The following ECHDC3 variants were observed in gnomAD, a reference collection of about 807,000 sequenced individuals.
The protein encoded by ECHDC3 is enoyl-CoA hydratase domain containing 3, also known as enoyl-CoA hydratase domain-containing protein 3, mitochondrial.
In ECHDC3, 20 loss-of-function variants were observed where a neutral mutation model predicts 17.9. The ratio of observed to expected loss-of-function variants is 1.12; its 90% confidence interval spans 0.79 to 1.63. The LOEUF is 1.63. Among genes scored for constraint, ECHDC3 ranks in the 40% most tolerant of loss-of-function variants. The pLI, the probability that ECHDC3 is intolerant of heterozygous loss-of-function variation, is 0.00. For missense variants in ECHDC3, 407 were observed against 357.7 expected (o/e 1.14, Z -1.11); for synonymous variants, 177 against 149.7 (o/e 1.18, Z -1.33).
In ECHDC3 at chr10:11,755,595, C is replaced by G; in HGVS notation, c.578C>G (p.Ala193Gly). The change falls in exon 4 of 5, where the codon GCA becomes GGA. Residue 193 changes from alanine (A) to glycine (G), a missense_variant. Coordinates refer to ENST00000379215, the MANE Select transcript of ECHDC3 (RefSeq NM_024693.5). ...CSTPGVALAR[A>G]VPRKVALEML... ...ACCCCTGGGGTTGCCTTGGCAAGAG[C>G]AGTGCCTAGAAAGGTAATTTAACTC... is the stretch of plus-strand genomic sequence containing the variant. The G allele has an allele frequency of 6.2e-7, 1 of 1,612,706 alleles. No homozygotes were observed. The highest frequency in any genetic ancestry group is 8.5e-7 in the Non-Finnish European group (1 of 1,179,508).
rs1832775395 is a variant in ECHDC3 at position 11,747,482 on chromosome 10, A to AT, written c.292+13dup. 2.5e-6 allele frequency: 4 copies of AT among 1,612,976 alleles called. No homozygotes were observed. Among genetic ancestry groups the AT allele is most frequent in the Non-Finnish European group, 3.4e-6 (4 of 1,179,800 alleles). ...CATTATCATCTCGGGTATGTATCTGATATCTGTCCTTAGTATTCTGCAGTG... is the reference window on the plus strand; with the variant it reads ...CATTATCATCTCGGGTATGTATCTGATTATCTGTCCTTAGTATTCTGCAGTG... On this transcript the variant is annotated intron_variant, in intron 2 of 4. Transcript: ENST00000379215.
At position 11,742,545 on chromosome 10, in the gene ECHDC3, C is replaced by G; in HGVS notation, c.-32C>G. ...AGCACCTGCGGCCGGCCAGGCAGCGCGATCCTGCGGCGTCTGGCCATCCCG... is the reference window on the plus strand; with the variant it reads ...AGCACCTGCGGCCGGCCAGGCAGCGGGATCCTGCGGCGTCTGGCCATCCCG... On this transcript the variant is annotated 5_prime_UTR_variant, in exon 1 of 5. Coordinates refer to ENST00000379215, the MANE Select transcript of ECHDC3 (RefSeq NM_024693.5). The G allele has an allele frequency of 3.2e-6, 4 of 1,256,520 alleles. No homozygotes were observed. Among genetic ancestry groups the G allele is most frequent in the Non-Finnish European group, 4.0e-6 (4 of 1,001,838 alleles). The allele number at this position is 1,256,520 out of a possible 1,614,324, so 77.8% of individuals were successfully genotyped here.
At chr10:11,760,855 T>C (rs904055720) in intron 4 of ECHDC3, among the ~76,000 whole-genome samples, 8 of 152,238 alleles carry the variant, frequency 5.3e-5, no homozygotes, top group Non-Finnish European at 8.8e-5. Context: ...GATCCGCTTT[T>C]TAGCTCCTGG....
intron 2 of ECHDC3, 136 bp from the exon 3 acceptor site, chr10:11,749,359 T>C: frequency 1.4e-6 from 1 of 738,692 alleles, no homozygotes; most frequent in South Asian, 2.0e-5. Flanking sequence ...GAATTATTCT[T>C]CTCAAAATTA....
intron 3 of ECHDC3, among the ~76,000 whole-genome samples, chr10:11,750,827 AT>A (rs1832814898): frequency 6.6e-6 from 1 of 152,248 alleles, no homozygotes; most frequent in African/African-American, 2.4e-5. Context: ...GATTTCACAG[AT>A]GTTTAATGAT....
chr10:11,754,252 T>C (rs1832860845), intron 3 of ECHDC3, among the ~76,000 whole-genome samples: 1 of 152,096 alleles, frequency 6.6e-6, no homozygotes, highest in Admixed American at 6.5e-5. Flanking sequence ...TTAGACAAAA[T>C]CTTCAAATCA....
At chr10:11,755,801 G>T (rs757100271) in intron 4 of ECHDC3, 193 bp downstream of exon 4, 7 of 547,020 alleles carry the variant, frequency 1.3e-5, no homozygotes, top group Non-Finnish European at 2.2e-5. Context: ...CCGCCTGCCT[G>T]TTCCTCTGTA....
At chr10:11,742,904 A>T (rs144245373) in intron 1 of ECHDC3, 158 bp downstream of exon 1, 3 of 876,170 alleles carry the variant, frequency 3.4e-6, no homozygotes, top group East Asian at 7.3e-5. Flanking sequence ...CGAGACGCGC[A>T]GGTGGGATTG....
At chr10:11,755,383 T>A in intron 3 of ECHDC3, 25 bp from the exon 4 acceptor site, 2 of 1,560,188 alleles carry the variant, frequency 1.3e-6, no homozygotes, top group Non-Finnish European at 1.7e-6. Flanking sequence ...TGGGTGGAAA[T>A]GAAGTAGGTG....
In ECHDC3 at chr10:11,742,427, G is replaced by T. The variant is rs574861452; in HGVS notation, c.-150G>T. The T allele has an allele frequency of 1.1e-5, 8 of 718,230 alleles. No individual in the cohort carries two copies. In the South Asian group the frequency reaches 5.6e-4, roughly 50 times the overall value. The allele number at this position is 718,230 out of a possible 1,614,324, so 44.5% of individuals were successfully genotyped here. A position where few individuals can be genotyped will look rare whatever the true frequency, so the allele number is the denominator to read the frequency against. ...CCTGGGGCGTCCCCGCGAAGCCTGG[G>T]CCTGTCAGGCGGTTCCGTCCGGGTC... is the stretch of plus-strand genomic sequence containing the variant. On this transcript the variant is annotated 5_prime_UTR_variant, in exon 1 of 5. Transcript: ENST00000379215.
chr10:11,742,437 C>G lies in ECHDC3; in HGVS notation c.-140C>G, dbSNP rs1290359673. Reference sequence around the variant, plus strand: ...CCCCGCGAAGCCTGGGCCTGTCAGGCGGTTCCGTCCGGGTCTCGGCCACCG... The same window carrying G: ...CCCCGCGAAGCCTGGGCCTGTCAGGGGGTTCCGTCCGGGTCTCGGCCACCG... On this transcript the variant is annotated 5_prime_UTR_variant, in exon 1 of 5. Transcript: ENST00000379215. 3.1e-5 allele frequency: 26 copies of G among 825,984 alleles called. No individual in the cohort carries two copies. The South Asian group carries it at 7.8e-4, about 25-fold the overall frequency. The allele number at this position is 825,984 out of a possible 1,614,324, so 51.2% of individuals were successfully genotyped here. A position where few individuals can be genotyped will look rare whatever the true frequency, so the allele number is the denominator to read the frequency against.
At chr10:11,743,391 A>C (rs1161810774) in intron 1 of ECHDC3, among the ~76,000 whole-genome samples, 1 of 152,254 alleles carries the variant, frequency 6.6e-6, no homozygotes, top group South Asian at 2.1e-4. Flanking sequence ...CTTCCGAAGA[A>C]GACCTAGAAG....
At chr10:11,755,821 G>A (rs111804063) in intron 4 of ECHDC3, 4 of 505,520 alleles carry the variant, frequency 7.9e-6, no homozygotes, top group East Asian at 3.3e-5. Context: ...AGCTTCTGAC[G>A]CCAGGCGTCA....
At chr10:11,760,062 A>G (rs569997006) in intron 4 of ECHDC3, among the ~76,000 whole-genome samples, 1 of 152,342 alleles carries the variant, frequency 6.6e-6, no homozygotes, top group East Asian at 1.9e-4. Flanking sequence ...TCTGCAAGCA[A>G]AATCTTCATA....
chr10:11,742,769 T>C (rs897519375), intron 1 of ECHDC3, 23 bp downstream of exon 1: 66 of 1,224,754 alleles, frequency 5.4e-5, no homozygotes, highest in Non-Finnish European at 1.4e-5. Context: ...CCGCGCGGGC[T>C]CCTCGCGTTG....
At chr10:11,753,279 A>G (rs1832848100) in intron 3 of ECHDC3, among the ~76,000 whole-genome samples, 1 of 152,188 alleles carries the variant, frequency 6.6e-6, no homozygotes, top group South Asian at 2.1e-4. Flanking sequence ...GGTACTCGGG[A>G]GGCTGAGGCA....
intron 1 of ECHDC3, 187 bp from the exon 2 acceptor site, chr10:11,747,162 C>T (rs1010684908): frequency 1.7e-5 from 10 of 574,664 alleles, no homozygotes; most frequent in African/African-American, 9.5e-5. Flanking sequence ...CATTTCAGGT[C>T]GCCTTTTTCT....
chr10:11,744,248 C>T (rs1361143013), intron 1 of ECHDC3, among the ~76,000 whole-genome samples: 1 of 152,212 alleles, frequency 6.6e-6, no homozygotes, highest in Non-Finnish European at 1.5e-5. Flanking sequence ...CAGTAGGTCT[C>T]ACCAGGGTTC....
intron 4 of ECHDC3, chr10:11,755,827 C>T (rs1007188216): frequency 1.2e-5 from 6 of 497,260 alleles, no homozygotes; most frequent in African/African-American, 3.9e-5. Flanking sequence ...TGACGCCAGG[C>T]GTCAATTTGT....
Sources: allele counts gnomAD v4.1 joint callset (sites outside exome capture counted in the v4.1 genomes callset), GRCh38; gene constraint gnomAD v4.1.1; transcripts MANE v1.5; gene names NCBI Gene and HGNC (gene_info 2026-07-23, HGNC 2026-07-21).